SPMIP3: variants seen among roughly 807,000 people sequenced by gnomAD.
SPMIP3 encodes protein SPMIP3.
the SPMIP3 span, chr1:244,389,225 C>A: frequency 1.8e-6 from 1 of 569,502 alleles, no homozygotes; most frequent in South Asian, 2.0e-5. Flanking sequence ...TTAAGTTGGT[C>A]AGCTTAGAAC....
At chr1:244,372,711 G>A in the SPMIP3 span, among the ~76,000 whole-genome samples, 10 of 152,170 alleles carry the variant, frequency 6.6e-5, no homozygotes, top group Non-Finnish European at 1.5e-4. Context: ...CCAAAGTGCT[G>A]GGATTACAGG....
the SPMIP3 span, chr1:244,375,422 A>T: frequency 6.2e-7 from 1 of 1,614,108 alleles, no homozygotes; most frequent in East Asian, 2.2e-5. Context: ...TACCCTGGGC[A>T]GCTGGCAAGA....
chr1:244,385,725 TTAG>T, the SPMIP3 span, among the ~76,000 whole-genome samples: 9 of 120,116 alleles, frequency 7.5e-5, no homozygotes, highest in Non-Finnish European at 1.4e-4. Context: ...TTAGTTACTA[TTAG>T]TATTATTGAT....
At chr1:244,354,183 A>G in the SPMIP3 span, among the ~76,000 whole-genome samples, 2 of 67,858 alleles carry the variant, frequency 2.9e-5, no homozygotes, top group East Asian at 4.3e-3. Flanking sequence ...CCAGATACAT[A>G]ACATCAAGTC....
the SPMIP3 span, among the ~76,000 whole-genome samples, chr1:244,360,537 CACACACACACACACACACACATGCAT>C: frequency 0.046 from 3,114 of 68,392 alleles, 141 homozygotes; most frequent in African/African-American, 0.12. Context: ...CACACACACA[CACACACACACACACACACACATGCAT>C]GCATGGAATA....
At chr1:244,357,469 G>A in the SPMIP3 span, among the ~76,000 whole-genome samples, 2 of 151,932 alleles carry the variant, frequency 1.3e-5, no homozygotes, top group African/African-American at 4.8e-5. Flanking sequence ...CAGCACTTTG[G>A]GGGGGCCAAG....
the SPMIP3 span, chr1:244,352,859 T>C: frequency 6.6e-6 from 1 of 152,218 alleles, no homozygotes; most frequent in South Asian, 2.1e-4. Flanking sequence ...AGAAACTTCA[T>C]GGCAAGCCTT....
chr1:244,375,523 A>T, the SPMIP3 span: 7 of 1,444,688 alleles, frequency 4.8e-6, no homozygotes, highest in East Asian at 4.6e-5. Flanking sequence ...TACAATGATA[A>T]AAAGGGGTCG....
At chr1:244,375,660 C>A in the SPMIP3 span, 3 of 467,634 alleles carry the variant, frequency 6.4e-6, no homozygotes, top group Admixed American at 7.1e-5. Flanking sequence ...TGAGATTATT[C>A]TTATTTTATA....
chr1:244,365,795 A>T, the SPMIP3 span, among the ~76,000 whole-genome samples: 114 of 152,304 alleles, frequency 7.5e-4, no homozygotes, highest in African/African-American at 2.6e-3. Flanking sequence ...GAAGAGCTTT[A>T]GTGAGAAGTC....
At chr1:244,380,841 TG>T in the SPMIP3 span, among the ~76,000 whole-genome samples, 1 of 147,684 alleles carries the variant, frequency 6.8e-6, no homozygotes, top group Admixed American at 6.8e-5. Flanking sequence ...GAGGGAGAGG[TG>T]GATCTTGGGG....
chr1:244,388,927 TC>T, the SPMIP3 span: 1 of 1,573,384 alleles, frequency 6.4e-7, no homozygotes, highest in Non-Finnish European at 8.7e-7. Context: ...TTTAAATAAA[TC>T]CTTAATTTGT....
the SPMIP3 span, among the ~76,000 whole-genome samples, chr1:244,357,012 T>C: frequency 7.3e-6 from 1 of 137,584 alleles, no homozygotes; most frequent in Non-Finnish European, 1.5e-5. Context: ...AACCTCCACC[T>C]CCCAGGCTCA....
At chr1:244,364,549 C>T in the SPMIP3 span, 1 of 697,480 alleles carries the variant, frequency 1.4e-6, no homozygotes, top group Non-Finnish European at 2.5e-6. Flanking sequence ...CCCTAAATAG[C>T]CTATATGCAT....
chr1:244,383,537 C>T, the SPMIP3 span, among the ~76,000 whole-genome samples: 5 of 152,274 alleles, frequency 3.3e-5, no homozygotes, highest in African/African-American at 1.2e-4. Flanking sequence ...TAAAAGTCTA[C>T]CTGCCTTAAA....
chr1:244,373,475 G>A, the SPMIP3 span, among the ~76,000 whole-genome samples: 6 of 150,522 alleles, frequency 4.0e-5, no homozygotes, highest in African/African-American at 7.3e-5. Context: ...ACTATAGCCT[G>A]GGCAACAGTG....
chr1:244,360,470 G>A, the SPMIP3 span, among the ~76,000 whole-genome samples: 1 of 149,514 alleles, frequency 6.7e-6, no homozygotes, highest in Non-Finnish European at 1.5e-5. Context: ...ATCAACCCAA[G>A]TGTCTATCAA....
the SPMIP3 span, among the ~76,000 whole-genome samples, chr1:244,366,794 C>T: frequency 3.9e-5 from 6 of 152,208 alleles, 1 homozygote; most frequent in East Asian, 3.9e-4. Context: ...GCAGGAGAAT[C>T]GCTTGAACCC....
the SPMIP3 span, among the ~76,000 whole-genome samples, chr1:244,380,532 A>T: frequency 6.6e-6 from 1 of 152,038 alleles, no homozygotes; most frequent in Admixed American, 6.6e-5. Context: ...TATTTTCCCA[A>T]TTTTACTGTA....
Sources: gnomAD v4.1 joint callset for allele counts (sites outside exome capture counted in the v4.1 genomes callset) on GRCh38, gnomAD v4.1.1 for gene constraint, MANE v1.5 for transcripts, NCBI Gene and HGNC (gene_info 2026-07-23, HGNC 2026-07-21) for gene names.